The following GALK2 variants were observed in gnomAD, a reference collection of about 807,000 sequenced individuals.
The protein encoded by GALK2 is galactokinase 2, also known as N-acetylgalactosamine kinase.
A neutral mutation model predicts 52.4 loss-of-function variants in GALK2; 36 were observed. The observed-to-expected ratio is 0.69, with a 90% confidence interval of 0.53 to 0.91. The LOEUF is 0.91. Among genes scored for constraint, GALK2 ranks in the 40% least tolerant of loss-of-function variants. The pLI is 0.00. For missense variants in GALK2, 579 were observed against 559.1 expected, an observed-to-expected ratio of 1.04 and a Z score of -0.36; for synonymous variants, 176 against 199.1, an observed-to-expected ratio of 0.88 and a Z score of 0.98.
rs757519767 is a variant in GALK2 at position 49,331,792 on chromosome 15, G to C, written c.*3633G>C. 2.5e-6 allele frequency: 4 copies of C among 1,603,124 alleles called. No homozygotes were observed. The East Asian group carries it at 8.9e-5, about 36-fold the overall frequency. On this transcript the variant is annotated 3_prime_UTR_variant, in exon 10 of 10. Coordinates refer to ENST00000560031, the MANE Select transcript of GALK2 (RefSeq NM_002044.4). Reference sequence around the variant, plus strand: ...AAAGAAAACCTACCAGTTTATGTAGGAACTTCTCAAAGTCCTGTTTCACTT... The same window carrying C: ...AAAGAAAACCTACCAGTTTATGTAGCAACTTCTCAAAGTCCTGTTTCACTT...
At chr15:49,314,386 G>A (rs1241839674) in intron 8 of GALK2, among the ~76,000 whole-genome samples, 1 of 152,102 alleles carries the variant, frequency 6.6e-6, no homozygotes, top group Non-Finnish European at 1.5e-5. Flanking sequence ...TATACTTTGG[G>A]CACTGAAGTT....
chr15:49,214,590 T>A (rs2089229227), intron 2 of GALK2, among the ~76,000 whole-genome samples: 1 of 151,906 alleles, frequency 6.6e-6, no homozygotes, highest in African/African-American at 2.4e-5. Flanking sequence ...TCTTCCTGCC[T>A]TGTCCTCCCA....
At chr15:49,341,969 G>A (rs1432885111) in intron 3 of GALK2, among the ~76,000 whole-genome samples, 1 of 152,148 alleles carries the variant, frequency 6.6e-6, no homozygotes, top group Non-Finnish European at 1.5e-5. Context: ...TAATATTAGA[G>A]CATGTTCTGT....
chr15:49,229,507 G>A (rs149693446), intron 3 of GALK2, among the ~76,000 whole-genome samples: 26 of 152,338 alleles, frequency 1.7e-4, no homozygotes, highest in African/African-American at 6.0e-4. Flanking sequence ...TGTGGTAGTA[G>A]TAGTACGTTG....
intron 3 of GALK2, among the ~76,000 whole-genome samples, chr15:49,340,611 T>C (rs2040576449): frequency 6.6e-6 from 1 of 152,146 alleles, no homozygotes; most frequent in Non-Finnish European, 1.5e-5. Flanking sequence ...AATGGGGCTA[T>C]TTATTATTTG....
intron 1 of GALK2, among the ~76,000 whole-genome samples, chr15:49,164,277 G>A (rs528607364): frequency 6.6e-6 from 1 of 151,954 alleles, no homozygotes; most frequent in African/African-American, 2.4e-5. Context: ...ATTATTTTGA[G>A]CCGAAGCCAA....
chr15:49,352,614 C>T (rs2042413387), intron 3 of GALK2, among the ~76,000 whole-genome samples: 1 of 151,944 alleles, frequency 6.6e-6, no homozygotes. Context: ...TTTTTTTGTC[C>T]CTATGTTTAA....
intron 5 of GALK2, among the ~76,000 whole-genome samples, chr15:49,269,724 G>C (rs1443891581): frequency 3.3e-5 from 5 of 152,166 alleles, no homozygotes; most frequent in African/African-American, 1.2e-4. Context: ...CTCCCAACTT[G>C]AGATATTAAT....
intron 1 of GALK2, among the ~76,000 whole-genome samples, chr15:49,164,251 C>G (rs564700544): frequency 6.6e-6 from 1 of 152,012 alleles, no homozygotes; most frequent in East Asian, 1.9e-4. Flanking sequence ...CCAAAATATG[C>G]TACTTTGGCC....
chr15:49,214,882 A>C (rs2089250831), intron 2 of GALK2, among the ~76,000 whole-genome samples: 2 of 152,256 alleles, frequency 1.3e-5, no homozygotes, highest in South Asian at 4.1e-4. Context: ...CAGATTGAAT[A>C]ACTCTCTTTA....
At chr15:49,221,905 A>C (rs115775426) in intron 3 of GALK2, among the ~76,000 whole-genome samples, 1 of 151,778 alleles carries the variant, frequency 6.6e-6, no homozygotes, top group Non-Finnish European at 1.5e-5. Flanking sequence ...TTTTGGTTTT[A>C]TACATATTTT....
chr15:49,335,997 C>T (rs965206938), downstream of GALK2, among the ~76,000 whole-genome samples: 15 of 152,008 alleles, frequency 9.9e-5, no homozygotes, highest in Admixed American at 7.9e-4. Flanking sequence ...GACAGTTTCT[C>T]GCTATCTTGC....
At chr15:49,213,425 G>A (rs1254352592) in intron 2 of GALK2, among the ~76,000 whole-genome samples, 1 of 152,120 alleles carries the variant, frequency 6.6e-6, no homozygotes, top group Admixed American at 6.5e-5. Flanking sequence ...CGTGTGCCAT[G>A]GTGGTTTGCT....
At chr15:49,257,280 CTAGTAAAG>C (rs2091853731) in intron 5 of GALK2, among the ~76,000 whole-genome samples, 1 of 152,142 alleles carries the variant, frequency 6.6e-6, no homozygotes, top group South Asian at 2.1e-4. Context: ...AGTAACAGTT[CTAGTAAAG>C]ACTGTTCCTC....
At chr15:49,177,080 C>T (rs1445425218) in intron 1 of GALK2, among the ~76,000 whole-genome samples, 2 of 151,708 alleles carry the variant, frequency 1.3e-5, no homozygotes, top group Non-Finnish European at 2.9e-5. Flanking sequence ...TTATGTTTGT[C>T]TATTATTTCT....
At chr15:49,222,071 C>T (rs1595725434) in intron 3 of GALK2, among the ~76,000 whole-genome samples, 1 of 152,114 alleles carries the variant, frequency 6.6e-6, no homozygotes. Flanking sequence ...GTGTCCTCTT[C>T]AATTTCATTC....
At chr15:49,335,970 C>T (rs1596260854), downstream of GALK2, among the ~76,000 whole-genome samples, 1 of 152,058 alleles carries the variant, frequency 6.6e-6, no homozygotes, top group Non-Finnish European at 1.5e-5. Context: ...CCTCCTGCCT[C>T]AGCTTCCTGA....
At chr15:49,217,587 C>T (rs2089481116) in intron 3 of GALK2, among the ~76,000 whole-genome samples, 1 of 152,236 alleles carries the variant, frequency 6.6e-6, no homozygotes, top group Non-Finnish European at 1.5e-5. Flanking sequence ...CCGATAGGTA[C>T]TTATCATCTA....
At chr15:49,340,507 A>G (rs1015182539) in intron 3 of GALK2, among the ~76,000 whole-genome samples, 3 of 151,470 alleles carry the variant, frequency 2.0e-5, no homozygotes, top group African/African-American at 7.3e-5. Context: ...GAAATGCAGA[A>G]GTCACCTGTC....
Sources: allele counts gnomAD v4.1 joint callset (sites outside exome capture counted in the v4.1 genomes callset), GRCh38; gene constraint gnomAD v4.1.1; transcripts MANE v1.5; gene names NCBI Gene and HGNC (gene_info 2026-07-23, HGNC 2026-07-21).